LOC400499: variants seen among roughly 807,000 people sequenced by gnomAD.
chr16:11,527,425 A>G, the LOC400499 span, among the ~76,000 whole-genome samples: 2 of 152,156 alleles, frequency 1.3e-5, no homozygotes, highest in African/African-American at 2.4e-5. Context: ...GGGGAAAAAA[A>G]GCCTAGAGGG....
chr16:11,393,263 G>A, the LOC400499 span: 2 of 710,962 alleles, frequency 2.8e-6, no homozygotes, highest in Non-Finnish European at 3.9e-6. Context: ...CAAAGTGCTA[G>A]GATTACAGGT....
the LOC400499 span, among the ~76,000 whole-genome samples, chr16:11,409,059 A>G: frequency 0.69 from 104,981 of 151,590 alleles, 36,698 homozygotes; most frequent in Middle Eastern, 0.79. Context: ...TCAGGAGTTC[A>G]AGACCAGCCC....
chr16:11,439,011 C>A, the LOC400499 span, among the ~76,000 whole-genome samples: 5 of 152,238 alleles, frequency 3.3e-5, no homozygotes, highest in African/African-American at 1.2e-4. Flanking sequence ...CCTATTTACA[C>A]CTCCACATCC....
At chr16:11,451,149 A>G in the LOC400499 span, among the ~76,000 whole-genome samples, 3 of 152,242 alleles carry the variant, frequency 2.0e-5, no homozygotes. Context: ...CACGGAAAAA[A>G]TAAGAGGGCT....
At chr16:11,392,023 C>G in the LOC400499 span, 1 of 406,762 alleles carries the variant, frequency 2.5e-6, no homozygotes, top group Non-Finnish European at 4.3e-6. Flanking sequence ...TTGCTGGAAC[C>G]TTCTCACAGA....
At chr16:11,403,511 G>A in the LOC400499 span, among the ~76,000 whole-genome samples, 15 of 152,166 alleles carry the variant, frequency 9.9e-5, no homozygotes, top group African/African-American at 3.1e-4. Context: ...ATACACGCAT[G>A]CACACTGCCT....
chr16:11,462,891 G>A, the LOC400499 span, among the ~76,000 whole-genome samples: 1 of 152,126 alleles, frequency 6.6e-6, no homozygotes, highest in African/African-American at 2.4e-5. Context: ...AACCACTTCT[G>A]CCACCTCCGC....
chr16:11,377,321 C>A, the LOC400499 span, among the ~76,000 whole-genome samples: 1 of 152,172 alleles, frequency 6.6e-6, no homozygotes, highest in Admixed American at 6.5e-5. Flanking sequence ...TGCCTCCGTT[C>A]CAATTTGGAT....
At chr16:11,425,753 C>A in the LOC400499 span, among the ~76,000 whole-genome samples, 2,302 of 152,256 alleles carry the variant, frequency 0.015, 70 homozygotes, top group African/African-American at 0.053. Flanking sequence ...GACGTCTTCG[C>A]TGGTAAAATC....
At chr16:11,453,601 T>A in the LOC400499 span, among the ~76,000 whole-genome samples, 2 of 152,006 alleles carry the variant, frequency 1.3e-5, no homozygotes, top group Non-Finnish European at 2.9e-5. Context: ...AAAATGCTAG[T>A]AGAAGGGCTA....
the LOC400499 span, among the ~76,000 whole-genome samples, chr16:11,474,902 G>C: frequency 6.6e-6 from 1 of 151,930 alleles, no homozygotes; most frequent in Admixed American, 6.6e-5. Context: ...ATCCCAATTC[G>C]CTATGCCAAA....
the LOC400499 span, chr16:11,522,032 C>A: frequency 2.5e-6 from 1 of 399,262 alleles, no homozygotes. Context: ...TCCACCAGGA[C>A]GTCCTGCAGG....
the LOC400499 span, chr16:11,414,514 G>C: frequency 2.5e-6 from 1 of 399,880 alleles, no homozygotes; most frequent in Non-Finnish European, 4.4e-6. Context: ...GGTCTCTAGA[G>C]ACAGAGAATG....
the LOC400499 span, among the ~76,000 whole-genome samples, chr16:11,474,136 G>A: frequency 6.6e-6 from 1 of 152,264 alleles, no homozygotes; most frequent in Non-Finnish European, 1.5e-5. Context: ...GGGGATTACA[G>A]GCGTGAGCTA....
chr16:11,411,808 A>C, the LOC400499 span, among the ~76,000 whole-genome samples: 5 of 139,186 alleles, frequency 3.6e-5, no homozygotes, highest in South Asian at 1.2e-3. Flanking sequence ...CCCTCCCCTC[A>C]CTCCTCCAGG....
the LOC400499 span, chr16:11,476,869 A>G: frequency 5.0e-6 from 2 of 399,502 alleles, no homozygotes; most frequent in African/African-American, 2.1e-5. Context: ...GGCGCTGCGG[A>G]CGCTGGTCAC....
the LOC400499 span, among the ~76,000 whole-genome samples, chr16:11,376,212 TCTC>T: frequency 6.6e-6 from 1 of 152,228 alleles, no homozygotes; most frequent in African/African-American, 2.4e-5. Context: ...TTTGTCTGTT[TCTC>T]CTTTTGTTGC....
chr16:11,378,946 C>T, the LOC400499 span, among the ~76,000 whole-genome samples: 1 of 152,156 alleles, frequency 6.6e-6, no homozygotes. Context: ...GATCTTCTGT[C>T]TGGGTGTTGT....
chr16:11,450,060 C>T, the LOC400499 span, among the ~76,000 whole-genome samples: 1 of 152,232 alleles, frequency 6.6e-6, no homozygotes, highest in Non-Finnish European at 1.5e-5. Context: ...GCCACCCAGC[C>T]CTGCCTCAGA....
Sources: allele counts gnomAD v4.1 joint callset (sites outside exome capture counted in the v4.1 genomes callset), GRCh38; gene constraint gnomAD v4.1.1; transcripts MANE v1.5.